Variants in CTIF observed in about 807,000 individuals in gnomAD.
CTIF encodes the protein CBP80/20-dependent translation initiation factor.
Under a neutral mutation model 66.0 loss-of-function variants are expected in CTIF, and 21 were observed. That is an observed-to-expected ratio of 0.32 (90% CI 0.23 to 0.46). The LOEUF (loss-of-function observed/expected upper bound fraction) is 0.46, where lower values mean the gene tolerates loss of function less well. Among genes scored for constraint, CTIF ranks in the 20% least tolerant of loss-of-function variants. The pLI is 1.00. For missense variants in CTIF, 739 were observed against 812.7 expected, an observed-to-expected ratio of 0.91 and a Z score of 1.10; for synonymous variants, 345 against 326.4, an observed-to-expected ratio of 1.06 and a Z score of -0.62.
intron 7 of CTIF, among the ~76,000 whole-genome samples, chr18:48,756,828 C>T (rs975906300): frequency 1.3e-5 from 2 of 152,256 alleles, no homozygotes; most frequent in African/African-American, 4.8e-5. Context: ...TGCTGCACAA[C>T]TCACACCTGT....
At chr18:48,806,529 C>G (rs28392654) in intron 9 of CTIF, among the ~76,000 whole-genome samples, 1 of 152,130 alleles carries the variant, frequency 6.6e-6, no homozygotes, top group Non-Finnish European at 1.5e-5. Context: ...AGAGGGAGCC[C>G]GAAATGAAGG....
At chr18:48,727,041 G>A (rs2092392347) in intron 7 of CTIF, among the ~76,000 whole-genome samples, 1 of 150,220 alleles carries the variant, frequency 6.7e-6, no homozygotes, top group Non-Finnish European at 1.5e-5. Flanking sequence ...TTGATCTGTA[G>A]GCCTGAGATT....
chr18:48,758,555 G>T, intron 8 of CTIF, 150 bp downstream of exon 8: 1 of 953,990 alleles, frequency 1.0e-6, no homozygotes, highest in Non-Finnish European at 1.6e-6. Context: ...TCACTGTGGG[G>T]ACCAACCACA....
At chr18:48,581,625 CCT>C (rs1299606455) in intron 1 of CTIF, among the ~76,000 whole-genome samples, 1 of 152,170 alleles carries the variant, frequency 6.6e-6, no homozygotes, top group Non-Finnish European at 1.5e-5. Context: ...TCCCCCCACC[CCT>C]GTCCAGTGTG....
chr18:48,856,169 A>G (rs1007785237), intron 10 of CTIF, among the ~76,000 whole-genome samples: 15 of 152,246 alleles, frequency 9.9e-5, no homozygotes, highest in African/African-American at 3.6e-4. Flanking sequence ...CTCGGAAGCC[A>G]CGCCCAGAGA....
chr18:48,554,468 C>T (rs543502482), intron 1 of CTIF, among the ~76,000 whole-genome samples: 98 of 152,370 alleles, frequency 6.4e-4, no homozygotes, highest in African/African-American at 2.2e-3. Context: ...TGGAGGCACC[C>T]TCTTCACTGT....
intron 3 of CTIF, among the ~76,000 whole-genome samples, chr18:48,651,023 C>T (rs2091146048): frequency 6.6e-6 from 1 of 152,280 alleles, no homozygotes. Context: ...ACACCCAGTA[C>T]CAGCCACTGC....
chr18:48,716,875 C>T (rs764116958), intron 7 of CTIF, among the ~76,000 whole-genome samples: 19 of 152,146 alleles, frequency 1.2e-4, no homozygotes, highest in Non-Finnish European at 2.2e-4. Flanking sequence ...TTAATTTACT[C>T]CATGTGCAAA....
In CTIF at chr18:48,859,822, T is replaced by C; in HGVS notation, c.*263T>C. On this transcript the variant is annotated 3_prime_UTR_variant, in exon 12 of 12. Transcript: ENST00000256413. ...TTCTTTTTCCTGGTGGCCCTGGCCC[T>C]CCCCTTCCTCACTCCCGCCTCTCCC... 1 of 635,284 alleles carries C rather than the reference T, an allele frequency of 1.6e-6. No individual in the cohort carries two copies. Among genetic ancestry groups the C allele is most frequent in the Non-Finnish European group, 2.9e-6 (1 of 341,722 alleles). The allele number at this position is 635,284 out of a possible 1,614,324, so 39.4% of individuals were successfully genotyped here.
chr18:48,658,382 A>G (rs2091280420), intron 3 of CTIF, among the ~76,000 whole-genome samples: 5 of 151,538 alleles, frequency 3.3e-5, no homozygotes, highest in Admixed American at 3.3e-4. Context: ...GTATACATGT[A>G]TACCACATGT....
rs568050541 is a variant in CTIF, at chr18:48,698,862, G to A, written c.508-12757G>A. 6.8e-4 allele frequency among the ~76,000 whole-genome samples: 103 copies of A among 152,278 alleles called. No individual in the cohort carries two copies. In the South Asian group the frequency reaches 7.9e-3, roughly 12 times the overall value. On this transcript the variant is annotated intron_variant, in intron 6 of 11. Transcript: ENST00000256413. ...TGGGGACTGTCATTTCCCCTTGGTAGAGTGGAAGTTCCTCTCTGTGGCCTA... is the reference window on the plus strand; with the variant it reads ...TGGGGACTGTCATTTCCCCTTGGTAAAGTGGAAGTTCCTCTCTGTGGCCTA...
At chr18:48,677,605 G>A (rs200717015) in intron 6 of CTIF, among the ~76,000 whole-genome samples, 10 of 152,162 alleles carry the variant, frequency 6.6e-5, no homozygotes, top group Admixed American at 3.3e-4. Context: ...TTTACAGACC[G>A]ATGTCTTTGG....
chr18:48,615,814 A>G (rs1045160405), intron 1 of CTIF, among the ~76,000 whole-genome samples: 1 of 152,186 alleles, frequency 6.6e-6, no homozygotes, highest in African/African-American at 2.4e-5. Flanking sequence ...GGGCTACCCC[A>G]TGTGAATCTG....
rs746847850 is a variant in CTIF at position 48,859,515 on chromosome 18, A to G, written c.1753A>G (p.Ile585Val). The G allele has an allele frequency of 6.2e-7, 1 of 1,614,032 alleles. No homozygotes were observed. The highest frequency in any genetic ancestry group is 2.2e-5 in the East Asian group (1 of 44,872). Reference protein sequence around the residue: ...ANSWNPLTPPITQYYNRTIQK... With the variant: ...ANSWNPLTPPVTQYYNRTIQK... ...CAGCTGGAACCCTCTGACGCCCCCC[A>G]TCACGCAGTACTACAACAGAACCAT... Residue 585 changes from isoleucine to valine, a missense_variant, in exon 12 of 12, where the codon ATC becomes GTC. By Grantham distance (29) the Ile-to-Val change is conservative (BLOSUM62 3). Coordinates refer to ENST00000256413, the MANE Select transcript of CTIF (RefSeq NM_014772.3).
At chr18:48,673,299 A>C (rs930548189) in intron 6 of CTIF, among the ~76,000 whole-genome samples, 4 of 152,166 alleles carry the variant, frequency 2.6e-5, no homozygotes, top group African/African-American at 9.7e-5. Flanking sequence ...AGAGTGTACA[A>C]GAAAGGCAGG....
chr18:48,843,950 G>A (rs1319143096), intron 10 of CTIF, among the ~76,000 whole-genome samples: 1 of 152,178 alleles, frequency 6.6e-6, no homozygotes, highest in East Asian at 1.9e-4. Flanking sequence ...GCGTTGCAGT[G>A]GTGCCTAACT....
At chr18:48,693,699 A>G (rs1162490375) in intron 6 of CTIF, among the ~76,000 whole-genome samples, 1 of 152,214 alleles carries the variant, frequency 6.6e-6, no homozygotes, top group Admixed American at 6.5e-5. Flanking sequence ...CAGGTCTCCA[A>G]CATGTCTCCA....
chr18:48,781,735 A>G (rs1911247187), intron 9 of CTIF, among the ~76,000 whole-genome samples: 1 of 152,044 alleles, frequency 6.6e-6, no homozygotes, highest in Non-Finnish European at 1.5e-5. Flanking sequence ...GGGAGGGGGC[A>G]TGGGGGCAGG....
chr18:48,652,599 A>G (rs1342753172), intron 3 of CTIF, among the ~76,000 whole-genome samples: 3 of 152,226 alleles, frequency 2.0e-5, no homozygotes, highest in African/African-American at 7.2e-5. Context: ...ATTCCAATCG[A>G]AAAACAGGGA....
Sources: gnomAD v4.1 joint callset for allele counts (sites outside exome capture counted in the v4.1 genomes callset) on GRCh38, gnomAD v4.1.1 for gene constraint, MANE v1.5 for transcripts, NCBI Gene and HGNC (gene_info 2026-07-23, HGNC 2026-07-21) for gene names.